The following ARHGAP22 variants were observed in gnomAD, a reference collection of about 807,000 sequenced individuals.
The protein encoded by ARHGAP22 is Rho GTPase activating protein 22, also known as rho GTPase-activating protein 22.
In ARHGAP22, 48 loss-of-function variants were observed where a neutral mutation model predicts 59.1. The ratio of observed to expected loss-of-function variants is 0.81; its 90% CI spans 0.64 to 1.03. The LOEUF is 1.03. Among genes scored for constraint, ARHGAP22 ranks in the 50% least tolerant of loss-of-function variants. ARHGAP22 has a pLI of 0.00. For synonymous variants in ARHGAP22, 445 were observed against 416.4 expected, an observed-to-expected ratio of 1.07 and a Z score of -0.84; for missense variants, 1,015 against 958.7, an observed-to-expected ratio of 1.06 and a Z score of -0.78.
chr10:48,532,444 G>A (rs2054936333), intron 3 of ARHGAP22: 1 of 152,086 alleles, frequency 6.6e-6, no homozygotes, highest in South Asian at 2.1e-4. Flanking sequence ...GGAATTGGAA[G>A]GTTCTCTTTT....
chr10:48,558,064 T>C (rs1339129427), intron 2 of ARHGAP22, among the ~76,000 whole-genome samples: 3 of 152,180 alleles, frequency 2.0e-5, no homozygotes, highest in African/African-American at 7.2e-5. Context: ...CTCTGAAAAC[T>C]ATAAAGTACC....
At chr10:48,476,524 G>A (rs1020155461) in intron 4 of ARHGAP22, among the ~76,000 whole-genome samples, 5 of 152,194 alleles carry the variant, frequency 3.3e-5, no homozygotes, top group East Asian at 1.9e-4. Context: ...AAACCTTCAG[G>A]GGCCGACTGA....
At position 48,559,382 on chromosome 10, in the gene ARHGAP22, C is replaced by T. The variant is rs373361667; in HGVS notation, c.235-3832G>A. 7.9e-5 allele frequency among the ~76,000 whole-genome samples: 12 copies of T among 152,306 alleles called. 1 individual carries two copies. In the East Asian group the frequency reaches 1.2e-3, roughly 15 times the overall value. On this transcript the variant is annotated intron_variant, in intron 2 of 9. Transcript: ENST00000249601. ...CTCAGCCTATGTATCTAAGTTCCTC[C>T]TGAGAGGCTGCAGCTGACTTAATGC...
intron 3 of ARHGAP22, among the ~76,000 whole-genome samples, chr10:48,498,568 C>A (rs2051181178): frequency 6.6e-6 from 1 of 152,198 alleles, no homozygotes; most frequent in Non-Finnish European, 1.5e-5. Context: ...CGGCCCCCTG[C>A]CCTATCCTTT....
intron 1 of ARHGAP22, among the ~76,000 whole-genome samples, chr10:48,592,206 C>T (rs753586764): frequency 1.1e-4 from 17 of 152,162 alleles, no homozygotes; most frequent in Non-Finnish European, 1.9e-4. Flanking sequence ...CTCTTTTAGA[C>T]AGAGTCTCAC....
At chr10:48,532,492 C>G (rs1270722252) in intron 3 of ARHGAP22, 2 of 151,990 alleles carry the variant, frequency 1.3e-5, no homozygotes, top group Non-Finnish European at 2.9e-5. Context: ...AATTTTTTTT[C>G]TTTTTTTATT....
intron 3 of ARHGAP22, among the ~76,000 whole-genome samples, chr10:48,549,525 C>T (rs538357880): frequency 4.6e-5 from 7 of 152,172 alleles, no homozygotes; most frequent in African/African-American, 1.4e-4. Context: ...GCCTCTTTCC[C>T]GACCCTGTCC....
chr10:48,584,710 A>G (rs1438587811), intron 1 of ARHGAP22, among the ~76,000 whole-genome samples: 3 of 152,210 alleles, frequency 2.0e-5, no homozygotes, highest in Non-Finnish European at 2.9e-5. Flanking sequence ...ATTACATAGT[A>G]CTGGCTGGGC....
At chr10:48,596,800 C>T (rs976693810) in intron 1 of ARHGAP22, among the ~76,000 whole-genome samples, 4 of 152,218 alleles carry the variant, frequency 2.6e-5, no homozygotes, top group South Asian at 2.1e-4. Context: ...AGACAGTTTT[C>T]GCTACAGCCT....
intron 2 of ARHGAP22, among the ~76,000 whole-genome samples, chr10:48,563,004 T>C (rs2135407194): frequency 6.6e-6 from 1 of 152,210 alleles, no homozygotes; most frequent in East Asian, 1.9e-4. Context: ...CTTCTGGAGC[T>C]CTAGGGCAGG....
chr10:48,625,436 T>C (rs549627868), intron 1 of ARHGAP22, among the ~76,000 whole-genome samples: 2 of 152,066 alleles, frequency 1.3e-5, no homozygotes, highest in South Asian at 4.2e-4. Flanking sequence ...GTCTGTAAGG[T>C]GCTCTAGGAC....
At chr10:48,594,124 C>T (rs1449923544) in intron 1 of ARHGAP22, among the ~76,000 whole-genome samples, 1 of 152,202 alleles carries the variant, frequency 6.6e-6, no homozygotes, top group Admixed American at 6.5e-5. Context: ...ACAAGCATCA[C>T]ACTAGGCTCT....
the ARHGAP22 span, chr10:48,431,266 T>G: frequency 6.2e-7 from 1 of 1,607,674 alleles, no homozygotes; most frequent in Non-Finnish European, 8.5e-7. Context: ...AGCCCTCTCC[T>G]TTAGGTTGGT....
rs1479756076 is a variant in ARHGAP22 at position 48,450,539 on chromosome 10, C to T, written c.1590G>A (p.Thr530=). Residue 530 remains threonine (T), a synonymous_variant, in exon 9 of 10, where the codon ACG becomes ACA. Coordinates refer to ENST00000249601, the MANE Select transcript of ARHGAP22 (RefSeq NM_021226.4). ...CAGACGAGTCGCTGGCGCGGCAGGC[C>T]GTGCAGCTGCTGAGTGAGCCCCCCA... ...SSVGGSLSSC[T]ACRASDSSAR... 13 of 1,518,962 alleles carry T rather than the reference C, an allele frequency of 8.6e-6. No homozygotes were observed. In the South Asian group the frequency reaches 1.3e-4, roughly 15 times the overall value. 94.1% of individuals were successfully genotyped at this position (1,518,962 alleles called of 1,614,324 possible). A position where few individuals can be genotyped will look rare whatever the true frequency, so the allele number is the denominator to read the frequency against.
At chr10:48,618,355 A>G (rs940062415) in intron 1 of ARHGAP22, among the ~76,000 whole-genome samples, 12 of 152,056 alleles carry the variant, frequency 7.9e-5, no homozygotes, top group African/African-American at 2.7e-4. Context: ...GAGCCTAGCT[A>G]TACCCTGATG....
intron 1 of ARHGAP22, among the ~76,000 whole-genome samples, chr10:48,616,577 T>C (rs776326988): frequency 7.2e-5 from 11 of 152,008 alleles, no homozygotes; most frequent in African/African-American, 2.2e-4. Flanking sequence ...AGGGAGAGAA[T>C]CCCAAAAGCA....
At position 48,479,647 on chromosome 10, in the gene ARHGAP22, G is replaced by A. The variant is rs201381170; in HGVS notation, c.440C>T (p.Pro147Leu). ...VQAIRRVIWA[P>L]LGGGIFGQRL... is the part of the protein sequence containing the mutation. Reference sequence around the variant, plus strand: ...TCTACGGGCAGTACCTCCGCCCAGCGGGGCCCAGATGACTCGGCGGATGGC... The same window carrying A: ...TCTACGGGCAGTACCTCCGCCCAGCAGGGCCCAGATGACTCGGCGGATGGC... The change falls in exon 4 of 10, where the codon CCG (proline) becomes CTG (leucine). Residue 147 changes from proline (P) to leucine (L), a missense_variant. Transcript: ENST00000249601. 7.4e-5 allele frequency: 119 copies of A among 1,613,796 alleles called. No homozygotes were observed. In the Middle Eastern group the frequency reaches 1.8e-3, roughly 25 times the overall value.
Position 48,450,831 on chromosome 10 carries a change from CG to C in ARHGAP22, c.1297del (p.Arg433GlyfsTer30). 6.3e-7 allele frequency: 1 copy of C among 1,587,936 alleles called. No individual in the cohort carries two copies. Among genetic ancestry groups the C allele is most frequent in the Non-Finnish European group, 8.6e-7 (1 of 1,167,900 alleles). On this transcript the variant is annotated frameshift_variant, in exon 9 of 10. Transcript: ENST00000249601. LOFTEE classifies it high-confidence loss of function. Reference sequence around the variant, plus strand: ...GCTTCCCGATAGGGACCTCGGCTGCCGGAAGGAGGACTTCCAACTGGGCAGG... The same window carrying C: ...GCTTCCCGATAGGGACCTCGGCTGCCGAAGGAGGACTTCCAACTGGGCAGG... Reference protein sequence around the residue: ...QTLPSWKSSFRQPRSLSGSPK... With the variant: ...QTLPSWKSSFXQPRSLSGSPK...
chr10:48,650,564 T>C (rs2062519980), intron 1 of ARHGAP22, among the ~76,000 whole-genome samples: 4 of 152,242 alleles, frequency 2.6e-5, no homozygotes, highest in Admixed American at 2.6e-4. Context: ...ATTCATGTTA[T>C]ATACATTTCA....
Sources: gnomAD v4.1 joint callset for allele counts (sites outside exome capture counted in the v4.1 genomes callset) on GRCh38, gnomAD v4.1.1 for gene constraint, MANE v1.5 for transcripts, NCBI Gene and HGNC (gene_info 2026-07-23, HGNC 2026-07-21) for gene names.